The following TXNDC11 variants were observed in gnomAD, a reference collection of about 807,000 sequenced individuals.
TXNDC11 encodes thioredoxin domain-containing protein 11.
Under a neutral mutation model 78.0 loss-of-function variants are expected in TXNDC11, and 68 were observed. That is an observed-to-expected ratio of 0.87 (90% CI 0.72 to 1.07). The LOEUF (loss-of-function observed/expected upper bound fraction) is 1.07. Among genes scored for constraint, TXNDC11 ranks in the 50% least tolerant of loss-of-function variants. TXNDC11 has a pLI of 0.00. For missense variants in TXNDC11, 1,389 were observed against 1,221.8 expected (o/e 1.14, Z -2.04); for synonymous variants, 571 against 495.2 (o/e 1.15, Z -2.03).
At chr16:11,739,873 G>C (rs1023305129) in intron 1 of TXNDC11, among the ~76,000 whole-genome samples, 2 of 151,734 alleles carry the variant, frequency 1.3e-5, no homozygotes, top group Non-Finnish European at 2.9e-5. Flanking sequence ...TTCAAGCCTG[G>C]AGCTGTTCAT....
rs1405544142 is a variant in TXNDC11 at position 11,742,566 on chromosome 16, G to A, written c.165C>T (p.Ala55=). ...AGRLRRGLRG[A]FLMARQRPEL... ...CCGGCCGCTGGCGCGCCATGAGGAA[G>A]GCGCCACGCAGCCCGCGACGGAGCC... The change falls in exon 1 of 12, where the codon GCC becomes GCT. Residue 55 remains alanine (A), a synonymous_variant. Coordinates refer to ENST00000283033, the MANE Select transcript of TXNDC11 (RefSeq NM_015914.7). The A allele has an allele frequency of 2.7e-6, 4 of 1,456,400 alleles. No individual in the cohort carries two copies. The highest frequency in any genetic ancestry group is 1.5e-5 in the African/African-American group (1 of 67,632). The allele number at this position is 1,456,400 out of a possible 1,614,324, so 90.2% of individuals were successfully genotyped here. A position where few individuals can be genotyped will look rare whatever the true frequency, so the allele number is the denominator to read the frequency against.
chr16:11,679,554 G>T lies in TXNDC11; in HGVS notation c.2518C>A (p.Gln840Lys). The change falls in exon 12 of 12, where the codon CAG becomes AAG. Residue 840 changes from glutamine (Q) to lysine (K), a missense_variant. By Grantham distance (53) the Gln-to-Lys change is moderately conservative. Transcript: ENST00000283033. The surrounding 1 kb of genome is among the most constrained non-coding windows in gnomAD (Gnocchi z 4.6). ...TGCTCTTCCAGGGCCCGCTGCTGCT[G>T]CCGCAGCCGGTGCTCATCTCTGCGG... Reference protein sequence around the residue: ...SARRDEHRLRQQQRALEEQHS... With the variant: ...SARRDEHRLRKQQRALEEQHS... The T allele has an allele frequency of 6.2e-7, 1 of 1,613,634 alleles. No individual in the cohort carries two copies. Among genetic ancestry groups the T allele is most frequent in the Non-Finnish European group, 8.5e-7 (1 of 1,180,018 alleles).
chr16:11,721,070 T>G (rs1289445761), intron 5 of TXNDC11, among the ~76,000 whole-genome samples: 2 of 151,510 alleles, frequency 1.3e-5, no homozygotes, highest in African/African-American at 4.8e-5. Flanking sequence ...AAGCAAAACA[T>G]TTGCGAGACT....
rs138209565 is a variant in TXNDC11, at chr16:11,691,081, A to G, written c.1900+209T>C. ...CATGGGCTAAATGACAAACTTATCC[A>G]AAATTCAGAGTGAGGAAGTTTCTGT... On this transcript the variant is annotated intron_variant, in intron 8 of 11. Transcript: ENST00000283033. 192 of 568,986 alleles carry G rather than the reference A, an allele frequency of 3.4e-4. 1 individual carries two copies. In the East Asian group the frequency reaches 5.7e-3, roughly 17 times the overall value. 35.2% of individuals were successfully genotyped at this position (568,986 alleles called of 1,614,324 possible).
intron 10 of TXNDC11, among the ~76,000 whole-genome samples, chr16:11,687,050 A>G (rs531008269): frequency 3.3e-5 from 5 of 152,222 alleles, no homozygotes; most frequent in African/African-American, 1.2e-4. Flanking sequence ...TACAGTGCAT[A>G]TAACAGGTGA....
chr16:11,701,535 G>A (rs186447158), intron 5 of TXNDC11, among the ~76,000 whole-genome samples: 5 of 152,068 alleles, frequency 3.3e-5, no homozygotes, highest in Admixed American at 3.3e-4. Context: ...TAGTTAAGAG[G>A]TCAAAAAATA....
intron 4 of TXNDC11, among the ~76,000 whole-genome samples, chr16:11,728,815 C>T (rs962478446): frequency 2.0e-5 from 3 of 151,378 alleles, no homozygotes; most frequent in African/African-American, 7.3e-5. Flanking sequence ...GCCTGGCCAA[C>T]ATGGTGAAAC....
Position 11,742,525 on chromosome 16 carries a change from G to A in TXNDC11, c.206C>T (p.Ala69Val), listed in dbSNP as rs1021765831. 10 of 1,458,140 alleles carry A rather than the reference G, an allele frequency of 6.9e-6. No homozygotes were observed. The South Asian group carries it at 1.2e-4, about 17-fold the overall frequency. 90.3% of individuals were successfully genotyped at this position (1,458,140 alleles called of 1,614,324 possible). The change falls in exon 1 of 12, where the codon GCC (alanine) becomes GTC (valine). Residue 69 changes from alanine (A) to valine (V), a missense_variant. Ala to Val is a moderately conservative substitution (Grantham distance 64). Transcript: ENST00000283033. ...ARQRPELLCG[A>V]VALGCALLLA... is the part of the protein sequence containing the mutation. ...GAGCAGCGCGCAGCCGAGCGCCACGGCCCCGCAGAGCAGCTCCGGCCGCTG... is the reference window on the plus strand; with the variant it reads ...GAGCAGCGCGCAGCCGAGCGCCACGACCCCGCAGAGCAGCTCCGGCCGCTG...
chr16:11,693,225 T>C (rs1309526813), intron 7 of TXNDC11, among the ~76,000 whole-genome samples: 2 of 152,200 alleles, frequency 1.3e-5, no homozygotes, highest in African/African-American at 2.4e-5. Context: ...TTGGTGAGAT[T>C]TGCCACTTTA....
intron 3 of TXNDC11, among the ~76,000 whole-genome samples, chr16:11,731,870 G>A (rs1206167122): frequency 6.6e-6 from 1 of 152,064 alleles, no homozygotes; most frequent in Non-Finnish European, 1.5e-5. Context: ...AATTAGTTCC[G>A]TTTAAAAATT....
At position 11,687,725 on chromosome 16, in the gene TXNDC11, C is replaced by T. The variant is rs116410727; in HGVS notation, c.2153+132G>A. On this transcript the variant is annotated intron_variant, in intron 10 of 11. Coordinates refer to ENST00000283033, the MANE Select transcript of TXNDC11 (RefSeq NM_015914.7). The stretch of plus-strand genomic sequence containing the variant: ...GGCTTTGCTCATGGCTTCAACCTGA[C>T]AATTAAATTCAGCCAAGTCCTACCA... The T allele has an allele frequency of 4.1e-4, 262 of 639,158 alleles. 1 individual carries two copies. Among genetic ancestry groups the T allele is most frequent in the South Asian group, 3.0e-3 (181 of 60,688 alleles). 39.6% of individuals were successfully genotyped at this position (639,158 alleles called of 1,614,324 possible).
chr16:11,691,591 T>C lies in TXNDC11; in HGVS notation c.1599A>G (p.Ala533=), dbSNP rs937299166. 3 of 1,614,000 alleles carry C rather than the reference T, an allele frequency of 1.9e-6. No homozygotes were observed. Among genetic ancestry groups the C allele is most frequent in the Admixed American group, 3.3e-5 (2 of 59,998 alleles). Reference sequence around the variant, plus strand: ...CACATTTCTTCTCAAGGGAAGAAAATGCAACAGTAGGGGCTTCAAAGACAC... The same window carrying C: ...CACATTTCTTCTCAAGGGAAGAAAACGCAACAGTAGGGGCTTCAAAGACAC... ...EQGVFEAPTV[A]FSSLEKKCEV... The change falls in exon 8 of 12, where the codon GCA becomes GCG. Residue 533 remains alanine (A), a synonymous_variant. Coordinates refer to ENST00000283033, the MANE Select transcript of TXNDC11 (RefSeq NM_015914.7).
intron 5 of TXNDC11, among the ~76,000 whole-genome samples, chr16:11,713,876 GC>G (rs2051442935): frequency 6.6e-6 from 1 of 152,016 alleles, no homozygotes; most frequent in Non-Finnish European, 1.5e-5. Flanking sequence ...TAGAACCCAT[GC>G]CATTTGCCGA....
chr16:11,728,012 G>GC lies in TXNDC11; in HGVS notation c.699+2632dup, dbSNP rs777718691. ...TAAATATCCTACAAACCACAGGACA[G>GC]CCCCCCAAAACACAGAATTATCTGA... On this transcript the variant is annotated intron_variant, in intron 4 of 11. Transcript: ENST00000283033. Among the ~76,000 whole-genome samples, 239 of 152,252 alleles carry GC rather than the reference G, an allele frequency of 1.6e-3. 1 individual carries two copies. The highest frequency in any genetic ancestry group is 3.4e-3 in the Middle Eastern group (1 of 294).
chr16:11,742,224 G>A (rs923929105), intron 1 of TXNDC11: 9 of 419,538 alleles, frequency 2.1e-5, no homozygotes, highest in Middle Eastern at 6.1e-4. Context: ...CCCCCGACCC[G>A]CCTCCCTCGG....
Position 11,742,696 on chromosome 16 carries a change from C to A in TXNDC11, c.35G>T (p.Ser12Ile), listed in dbSNP as rs1467650761. The change falls in exon 1 of 12, where the codon AGC (serine) becomes ATC (isoleucine). Residue 12 changes from serine to isoleucine, a missense_variant. Physicochemically the swap from Ser to Ile is moderately radical, Grantham distance 142. Transcript: ENST00000283033. ...CTCGTCCTCGGCGTCCTCGCTGCTGCTGCTGCCGCCGCCGCGGCCTCCGCA... is the reference window on the plus strand; with the variant it reads ...CTCGTCCTCGGCGTCCTCGCTGCTGATGCTGCCGCCGCCGCGGCCTCCGCA... The part of the protein sequence containing the change: ...SECGGRGGGS[S>I]SSEDAEDEGG... 1 of 1,479,426 alleles carries A rather than the reference C, an allele frequency of 6.8e-7. No homozygotes were observed. The highest frequency in any genetic ancestry group is 8.9e-7 in the Non-Finnish European group (1 of 1,124,850). 91.6% of individuals were successfully genotyped at this position (1,479,426 alleles called of 1,614,324 possible).
chr16:11,699,604 G>C (rs943084378), intron 6 of TXNDC11, among the ~76,000 whole-genome samples: 1 of 152,250 alleles, frequency 6.6e-6, no homozygotes, highest in South Asian at 2.1e-4. Context: ...ACAGCATCTG[G>C]GCTACGAGAG....
At chr16:11,685,161 C>G (rs1255163007) in intron 10 of TXNDC11, among the ~76,000 whole-genome samples, 1 of 152,106 alleles carries the variant, frequency 6.6e-6, no homozygotes, top group African/African-American at 2.4e-5. Context: ...CCCAGGAGTT[C>G]GAGACTAGCC....
At chr16:11,732,590 G>C (rs2052088677) in intron 3 of TXNDC11, among the ~76,000 whole-genome samples, 1 of 152,158 alleles carries the variant, frequency 6.6e-6, no homozygotes, top group African/African-American at 2.4e-5. Context: ...ATCTGAAAAT[G>C]GTCTTAGTGG....
Sources: allele counts gnomAD v4.1 joint callset (sites outside exome capture counted in the v4.1 genomes callset), GRCh38; gene constraint gnomAD v4.1.1; non-coding constraint Gnocchi (gnomAD v3.1); transcripts MANE v1.5; gene names NCBI Gene and HGNC (gene_info 2026-07-23, HGNC 2026-07-21).